The following FRMPD4 variants were observed in gnomAD, a reference collection of about 807,000 sequenced individuals.
FRMPD4 encodes the protein FERM and PDZ domain containing 4.
Under a neutral mutation model 94.1 loss-of-function variants are expected in FRMPD4, and 22 were observed. That is an observed-to-expected ratio of 0.23 (90% confidence interval 0.17 to 0.33). The LOEUF (loss-of-function observed/expected upper bound fraction) is 0.33. Ranked by LOEUF, FRMPD4 falls within the 10% of genes least tolerant of loss-of-function variation. The probability of loss-of-function intolerance (pLI) is 1.00; values close to 1 mark genes in which losing one functional copy is unlikely to be tolerated. For missense variants in FRMPD4, 1,111 were observed against 1,339.9 expected, an observed-to-expected ratio of 0.83 and a Z score of 2.67; for synonymous variants, 631 against 548.6, an observed-to-expected ratio of 1.15 and a Z score of -2.10.
intron 1 of FRMPD4, among the ~76,000 whole-genome samples, chrX:12,348,661 A>G (rs184889814): frequency 2.6e-3 from 293 of 110,909 alleles, no homozygotes; most frequent in Non-Finnish European, 3.4e-3. Context: ...AAAAAGAGGC[A>G]TTTTAAAAAC....
chrX:12,031,523 A>G (rs1319584316), intron 3 of FRMPD4, among the ~76,000 whole-genome samples: 2 of 111,664 alleles, frequency 1.8e-5, no homozygotes, highest in South Asian at 3.8e-4. Context: ...GTGATTCTCA[A>G]CCAGGGATGA....
intron 1 of FRMPD4, among the ~76,000 whole-genome samples, chrX:12,405,957 G>T (rs768137677): frequency 4.5e-5 from 5 of 111,145 alleles, no homozygotes; most frequent in African/African-American, 1.6e-4. Context: ...GAAATACATA[G>T]CATCATGATG....
At chrX:12,076,462 A>G (rs1601921122) in intron 3 of FRMPD4, among the ~76,000 whole-genome samples, 1 of 110,459 alleles carries the variant, frequency 9.1e-6, no homozygotes, top group South Asian at 3.9e-4. Flanking sequence ...AATCTTACCT[A>G]AAGATTCTAA....
At chrX:12,710,877 A>G (rs5978571) in intron 14 of FRMPD4, among the ~76,000 whole-genome samples, 56,822 of 109,767 alleles carry the variant, frequency 0.52, 11,558 homozygotes, top group East Asian at 0.82. Context: ...CTGCACTCCA[A>G]TCTGGGTGAC....
rs2042285024 is a variant in FRMPD4, at chrX:12,723,884, T to C, written c.*2026T>C. On this transcript the variant is annotated 3_prime_UTR_variant, in exon 17 of 17. Transcript: ENST00000675598. ...ACTTTTTCTAGTCTCAATTTCCTCA[T>C]AATAAAATGAAAATCAATTATAAGA... 1 of 111,677 alleles carries C rather than the reference T, an allele frequency of 9.0e-6. No homozygotes were observed. The highest frequency in any genetic ancestry group is 9.5e-5 in the Admixed American group (1 of 10,472). 9.2% of individuals were successfully genotyped at this position (111,677 alleles called of 1,213,427 possible). A position where few individuals can be genotyped will look rare whatever the true frequency, so the allele number is the denominator to read the frequency against.
chrX:12,681,298 G>C (rs767593625), intron 5 of FRMPD4, among the ~76,000 whole-genome samples: 1 of 112,172 alleles, frequency 8.9e-6, no homozygotes, highest in Non-Finnish European at 1.9e-5. Context: ...TTTCCCTTCA[G>C]CTAAAAAATG....
chrX:12,291,311 A>G (rs1177730395), intron 1 of FRMPD4, among the ~76,000 whole-genome samples: 4 of 111,497 alleles, frequency 3.6e-5, no homozygotes, highest in African/African-American at 9.8e-5. Context: ...TAATTCTTCT[A>G]TACTTCTTTG....
chrX:11,933,076 C>T (rs1424609700), intron 3 of FRMPD4, among the ~76,000 whole-genome samples: 21 of 111,561 alleles, frequency 1.9e-4, no homozygotes, highest in Admixed American at 9.5e-5. Flanking sequence ...GTCAGCTTAA[C>T]GTAATGCACA....
At chrX:11,964,008 A>G (rs2054297033) in intron 3 of FRMPD4, among the ~76,000 whole-genome samples, 1 of 111,662 alleles carries the variant, frequency 9.0e-6, no homozygotes, top group Non-Finnish European at 1.9e-5. Flanking sequence ...ATGTGCCACA[A>G]AAGGTTTCCT....
intron 3 of FRMPD4, among the ~76,000 whole-genome samples, chrX:12,023,512 G>T (rs952486410): frequency 8.9e-6 from 1 of 111,848 alleles, no homozygotes; most frequent in African/African-American, 3.2e-5. Context: ...ACCATTGCTT[G>T]TAATTTCTTT....
chrX:12,380,663 G>A (rs1484057024), intron 1 of FRMPD4, among the ~76,000 whole-genome samples: 2 of 112,314 alleles, frequency 1.8e-5, no homozygotes, highest in East Asian at 2.8e-4. Flanking sequence ...CCGACCTTGC[G>A]TTGCCTGTTA....
At chrX:12,244,095 G>A (rs1322830049) in intron 1 of FRMPD4, among the ~76,000 whole-genome samples, 2 of 110,097 alleles carry the variant, frequency 1.8e-5, no homozygotes, top group Admixed American at 1.9e-4. Context: ...TGCACCTGGC[G>A]TTTTTGTTTT....
intron 4 of FRMPD4, among the ~76,000 whole-genome samples, chrX:12,629,782 G>C (rs2059378844): frequency 8.9e-6 from 1 of 112,074 alleles, no homozygotes; most frequent in Non-Finnish European, 1.9e-5. Context: ...ATGAGATTAT[G>C]TACATGAAGC....
chrX:12,245,315 T>G (rs966068656), intron 1 of FRMPD4, among the ~76,000 whole-genome samples: 2 of 111,341 alleles, frequency 1.8e-5, no homozygotes, highest in African/African-American at 3.3e-5. Context: ...GTTGGGATTT[T>G]TTTCTCACAA....
rs1298936236 is a variant in FRMPD4, at chrX:12,634,644, A to G, written c.422+19763A>G. 2.7e-5 allele frequency among the ~76,000 whole-genome samples: 3 copies of G among 111,059 alleles called. No homozygotes were observed. The Admixed American group carries it at 2.9e-4, about 11-fold the overall frequency. On this transcript the variant is annotated intron_variant, in intron 4 of 16. Coordinates refer to ENST00000675598, the MANE Select transcript of FRMPD4 (RefSeq NM_001368397.1). ...GTACCAAATTTGGAGAAAGCTTCTAAAAGTGTGATAAAAATTTTAAAAACC... is the reference window on the plus strand; with the variant it reads ...GTACCAAATTTGGAGAAAGCTTCTAGAAGTGTGATAAAAATTTTAAAAACC...
chrX:12,049,422 T>C (rs1371486277), intron 3 of FRMPD4, among the ~76,000 whole-genome samples: 1 of 111,538 alleles, frequency 9.0e-6, no homozygotes, highest in Non-Finnish European at 1.9e-5. Flanking sequence ...TAGAGTCATA[T>C]TATCAGCAGA....
intron 1 of FRMPD4, among the ~76,000 whole-genome samples, chrX:12,441,433 A>ATTTG (rs1156981285): frequency 1.8e-5 from 2 of 111,775 alleles, no homozygotes; most frequent in South Asian, 3.8e-4. Flanking sequence ...TAATTTATTC[A>ATTTG]TTTGTTTGTT....
At chrX:12,670,430 T>A (rs1444777060) in intron 4 of FRMPD4, among the ~76,000 whole-genome samples, 1 of 111,685 alleles carries the variant, frequency 9.0e-6, no homozygotes, top group Non-Finnish European at 1.9e-5. Context: ...GCCTCAGAAA[T>A]AACACCACAC....
chrX:12,317,883 AC>A (rs1205406210), intron 1 of FRMPD4, among the ~76,000 whole-genome samples: 1 of 112,086 alleles, frequency 8.9e-6, no homozygotes, highest in Non-Finnish European at 1.9e-5. Flanking sequence ...ACTGTGGAAA[AC>A]AGGATGGAGG....
Sources: gnomAD v4.1 joint callset for allele counts (sites outside exome capture counted in the v4.1 genomes callset) on GRCh38, gnomAD v4.1.1 for gene constraint, MANE v1.5 for transcripts, NCBI Gene and HGNC (gene_info 2026-07-23, HGNC 2026-07-21) for gene names.